Variants in IL1RAPL1 observed in about 807,000 individuals in gnomAD.
The protein encoded by IL1RAPL1 is interleukin-1 receptor accessory protein-like 1.
IL1RAPL1 carries 3 observed loss-of-function variants against 48.4 expected under a neutral mutation model. The ratio of observed to expected loss-of-function variants is 0.06; its 90% confidence interval spans 0.03 to 0.16. The LOEUF (loss-of-function observed/expected upper bound fraction) is 0.16, where lower values mean the gene tolerates loss of function less well. Among genes scored for constraint, IL1RAPL1 ranks in the 10% least tolerant of loss-of-function variants. The probability of loss-of-function intolerance (pLI) is 1.00; values close to 1 mark genes in which losing one functional copy is unlikely to be tolerated. For missense variants in IL1RAPL1, 349 were observed against 530.6 expected (o/e 0.66, Z 3.36); for synonymous variants, 185 against 187.7 (o/e 0.99, Z 0.12).
intron 5 of IL1RAPL1, among the ~76,000 whole-genome samples, chrX:29,460,067 T>G (rs1384976018): frequency 2.7e-5 from 3 of 111,711 alleles, no homozygotes; most frequent in African/African-American, 9.8e-5. Flanking sequence ...CAAGCTGTAG[T>G]CCCACCATAT....
intron 5 of IL1RAPL1, among the ~76,000 whole-genome samples, chrX:29,469,408 A>G (rs1283239371): frequency 8.9e-6 from 1 of 112,093 alleles, no homozygotes; most frequent in African/African-American, 3.2e-5. Context: ...AACTATGTAC[A>G]TATATATTGT....
At chrX:29,319,461 C>T (rs1407971229) in intron 3 of IL1RAPL1, among the ~76,000 whole-genome samples, 1 of 98,422 alleles carries the variant, frequency 1.0e-5, no homozygotes, top group Non-Finnish European at 2.0e-5. Context: ...ACCTCAGCCT[C>T]CCAAAGTGCT....
chrX:29,608,985 C>G (rs868763775), intron 5 of IL1RAPL1, among the ~76,000 whole-genome samples: 1 of 111,741 alleles, frequency 8.9e-6, no homozygotes, highest in Non-Finnish European at 1.9e-5. Flanking sequence ...ATGACATACA[C>G]GCTATAATTA....
intron 6 of IL1RAPL1, among the ~76,000 whole-genome samples, chrX:29,681,488 A>G (rs941391544): frequency 2.7e-5 from 3 of 112,121 alleles, no homozygotes; most frequent in African/African-American, 6.5e-5. Flanking sequence ...CTCTTTAGCA[A>G]TCTGGCCCCA....
intron 3 of IL1RAPL1, among the ~76,000 whole-genome samples, chrX:29,386,697 C>A (rs1933782620): frequency 9.4e-6 from 1 of 106,467 alleles, no homozygotes; most frequent in Admixed American, 1.0e-4. Context: ...CACACACCAC[C>A]ACGTCTGGCT....
chrX:29,915,856 G>A (rs948235832), intron 6 of IL1RAPL1, among the ~76,000 whole-genome samples: 4 of 81,259 alleles, frequency 4.9e-5, no homozygotes, highest in Non-Finnish European at 6.9e-5. Flanking sequence ...CCACTAACTC[G>A]TCATCTAGCA....
At chrX:28,838,853 T>C (rs1157844169) in intron 2 of IL1RAPL1, among the ~76,000 whole-genome samples, 1 of 111,321 alleles carries the variant, frequency 9.0e-6, no homozygotes, top group Non-Finnish European at 1.9e-5. Context: ...GGAAGTTTAC[T>C]AGGGGAATTC....
At chrX:29,065,504 A>G (rs1179361384) in intron 2 of IL1RAPL1, among the ~76,000 whole-genome samples, 1 of 111,429 alleles carries the variant, frequency 9.0e-6, no homozygotes, top group East Asian at 2.8e-4. Context: ...ATGTGTTAGG[A>G]TGTGGATCTC....
chrX:29,834,628 A>T (rs1304612575), intron 6 of IL1RAPL1, among the ~76,000 whole-genome samples: 1 of 108,694 alleles, frequency 9.2e-6, no homozygotes, highest in African/African-American at 3.4e-5. Flanking sequence ...TACTTCCAGG[A>T]TAGCCCTGCT....
At chrX:28,704,761 G>A (rs1333946478) in intron 1 of IL1RAPL1, among the ~76,000 whole-genome samples, 1 of 88,307 alleles carries the variant, frequency 1.1e-5, no homozygotes, top group East Asian at 4.1e-4. Flanking sequence ...GAAATACAAA[G>A]TCTCTCTGGC....
chrX:29,895,706 A>AAGAT (rs1569196733), intron 6 of IL1RAPL1, among the ~76,000 whole-genome samples: 1 of 112,634 alleles, frequency 8.9e-6, no homozygotes, highest in African/African-American at 3.2e-5. Context: ...ATTGTTTACC[A>AAGAT]AGATAGGAAC....
intron 2 of IL1RAPL1, among the ~76,000 whole-genome samples, chrX:28,988,650 G>C (rs1282706306): frequency 1.8e-5 from 2 of 112,076 alleles, no homozygotes. Flanking sequence ...ACTCACCTCT[G>C]ATGAGCTGTA....
chrX:29,465,568 T>G (rs1934853198), intron 5 of IL1RAPL1, among the ~76,000 whole-genome samples: 1 of 111,805 alleles, frequency 8.9e-6, no homozygotes, highest in Non-Finnish European at 1.9e-5. Flanking sequence ...CTGGGGAGTT[T>G]TAACAACCAA....
intron 2 of IL1RAPL1, among the ~76,000 whole-genome samples, chrX:29,265,469 T>C (rs1931937344): frequency 9.1e-6 from 1 of 109,594 alleles, no homozygotes; most frequent in African/African-American, 3.3e-5. Flanking sequence ...TTTTTTATTT[T>C]TTTATTTTAT....
chrX:28,814,761 C>A (rs974280456), intron 2 of IL1RAPL1, among the ~76,000 whole-genome samples: 3 of 91,857 alleles, frequency 3.3e-5, no homozygotes, highest in Non-Finnish European at 4.4e-5. Context: ...TTTTATTTCC[C>A]CTCTTTTTCT....
At chrX:29,477,909 A>G (rs1169627363) in intron 5 of IL1RAPL1, among the ~76,000 whole-genome samples, 1 of 112,419 alleles carries the variant, frequency 8.9e-6, no homozygotes, top group Non-Finnish European at 1.9e-5. Flanking sequence ...TGCAAAATAC[A>G]TAAAGACTTG....
At chrX:29,260,439 C>G (rs757197141) in intron 2 of IL1RAPL1, among the ~76,000 whole-genome samples, 68 of 112,111 alleles carry the variant, frequency 6.1e-4, no homozygotes, top group Middle Eastern at 4.6e-3. Flanking sequence ...CATGGCAGCA[C>G]ACAAAACAGC....
intron 6 of IL1RAPL1, among the ~76,000 whole-genome samples, chrX:29,672,440 C>T (rs1926165058): frequency 9.0e-6 from 1 of 111,461 alleles, no homozygotes; most frequent in African/African-American, 3.3e-5. Flanking sequence ...TCTCTCCTCT[C>T]TTTTACCTCT....
intron 2 of IL1RAPL1, among the ~76,000 whole-genome samples, chrX:28,862,215 A>G (rs1037314177): frequency 8.9e-6 from 1 of 112,204 alleles, no homozygotes; most frequent in African/African-American, 3.2e-5. Context: ...GCTTATGTAT[A>G]TCTTTATGCA....
Sources: gnomAD v4.1 joint callset for allele counts (sites outside exome capture counted in the v4.1 genomes callset) on GRCh38, gnomAD v4.1.1 for gene constraint, MANE v1.5 for transcripts, NCBI Gene and HGNC (gene_info 2026-07-23, HGNC 2026-07-21) for gene names.